The following TRAPPC8 variants were observed in gnomAD, a reference collection of about 807,000 sequenced individuals.
TRAPPC8 encodes the protein trafficking protein particle complex subunit 8.
A neutral mutation model predicts 174.3 loss-of-function variants in TRAPPC8; 54 were observed. The ratio of observed to expected loss-of-function variants is 0.31; its 90% CI spans 0.25 to 0.39. The LOEUF (loss-of-function observed/expected upper bound fraction) is 0.39. TRAPPC8 is among the 10% of genes least tolerant of loss of function. TRAPPC8 has a pLI of 1.00. For missense variants in TRAPPC8, 1,531 were observed against 1,699.1 expected, an observed-to-expected ratio of 0.90 and a Z score of 1.74; for synonymous variants, 630 against 579.9, an observed-to-expected ratio of 1.09 and a Z score of -1.24.
In TRAPPC8 at chr18:31,852,880, T is replaced by A. The variant is rs543850943; in HGVS notation, c.3434-217A>T. 8.0e-4 allele frequency: 406 copies of A among 507,382 alleles called. 1 individual carries two copies. Among genetic ancestry groups the A allele is most frequent in the Non-Finnish European group, 1.2e-3 (337 of 283,488 alleles). The allele number at this position is 507,382 out of a possible 1,614,324, so 31.4% of individuals were successfully genotyped here. ...ATACATATCCATGTGTGCACATGTA[T>A]ATATATATATGTATTCATATATGCG... On this transcript the variant is annotated intron_variant, in intron 22 of 28. Transcript: ENST00000283351.
chr18:31,841,934 C>T (rs1008888963), intron 26 of TRAPPC8, among the ~76,000 whole-genome samples: 3 of 152,122 alleles, frequency 2.0e-5, no homozygotes, highest in African/African-American at 7.2e-5. Context: ...CAGGGTCTTG[C>T]TATGTTACCC....
chr18:31,904,615 C>T (rs563819952), intron 9 of TRAPPC8, among the ~76,000 whole-genome samples: 1 of 152,228 alleles, frequency 6.6e-6, no homozygotes, highest in South Asian at 2.1e-4. Context: ...ACAATATGAA[C>T]GATATCTATT....
At chr18:31,868,220 C>T (rs898476315) in intron 16 of TRAPPC8, among the ~76,000 whole-genome samples, 2 of 152,128 alleles carry the variant, frequency 1.3e-5, no homozygotes, top group African/African-American at 2.4e-5. Context: ...TCCTCATAAA[C>T]GCTATTATAC....
chr18:31,907,596 G>A lies in TRAPPC8; in HGVS notation c.1253C>T (p.Ala418Val). ...NTSGLLYPPEAPELQIRKMAD... is the reference protein window; with the variant it reads ...NTSGLLYPPEVPELQIRKMAD... ...CATTTTCCTGATTTGAAGTTCTGGT[G>A]CTTCCGGCGGATACCTGTAAATACA... The change falls in exon 9 of 29, where the codon GCA becomes GTA. Residue 418 changes from alanine to valine, a missense_variant. By Grantham distance (64) the Ala-to-Val change is moderately conservative. Coordinates refer to ENST00000283351, the MANE Select transcript of TRAPPC8 (RefSeq NM_014939.5). 2 of 1,607,708 alleles carry A rather than the reference G, an allele frequency of 1.2e-6. No individual in the cohort carries two copies. Among genetic ancestry groups the A allele is most frequent in the Non-Finnish European group, 1.7e-6 (2 of 1,176,474 alleles).
chr18:31,891,144 A>T, intron 11 of TRAPPC8: 1 of 171,954 alleles, frequency 5.8e-6, no homozygotes, highest in Middle Eastern at 2.7e-3. Context: ...ATCTGTGAAT[A>T]ATTGCAATCC....
At chr18:31,914,132 CAA>C (rs1264790427) in intron 4 of TRAPPC8, among the ~76,000 whole-genome samples, 781 of 44,528 alleles carry the variant, frequency 0.018, 2 homozygotes, top group Middle Eastern at 0.065. Context: ...ACCCCCATCT[CAA>C]AAAAAAAAAA....
chr18:31,941,444 AAAATAAAT>A (rs760624403), intron 1 of TRAPPC8, among the ~76,000 whole-genome samples: 1 of 152,188 alleles, frequency 6.6e-6, no homozygotes, highest in Non-Finnish European at 1.5e-5. Flanking sequence ...ACTCCATCTC[AAAATAAAT>A]AAATAAATAA....
intron 2 of TRAPPC8, among the ~76,000 whole-genome samples, chr18:31,919,592 AAT>A (rs1016109907): frequency 1.3e-4 from 8 of 61,682 alleles, no homozygotes; most frequent in Admixed American, 5.2e-4. Flanking sequence ...AAATAAATAA[AAT>A]AATAATAATC....
intron 2 of TRAPPC8, among the ~76,000 whole-genome samples, chr18:31,922,069 A>G (rs2037414495): frequency 6.6e-6 from 1 of 152,182 alleles, no homozygotes; most frequent in East Asian, 1.9e-4. Flanking sequence ...CTGTAATTAG[A>G]TTTTTATTGT....
intron 27 of TRAPPC8, among the ~76,000 whole-genome samples, chr18:31,835,167 G>A (rs1314784482): frequency 1.3e-5 from 2 of 152,094 alleles, no homozygotes; most frequent in Non-Finnish European, 2.9e-5. Flanking sequence ...TGGGGGAAAG[G>A]GGAAGAAATG....
At chr18:31,895,768 T>C (rs192593048) in intron 11 of TRAPPC8, 41 of 152,366 alleles carry the variant, frequency 2.7e-4, no homozygotes, top group African/African-American at 9.4e-4. Context: ...TTTATTATAA[T>C]AGAGAATATC....
chr18:31,919,733 T>C (rs1212904379), intron 2 of TRAPPC8, among the ~76,000 whole-genome samples: 2 of 151,516 alleles, frequency 1.3e-5, no homozygotes, highest in Non-Finnish European at 2.9e-5. Flanking sequence ...TTGTGATGCA[T>C]GCCTGTAGTC....
intron 3 of TRAPPC8, 146 bp from the exon 4 acceptor site, chr18:31,916,592 G>T: frequency 1.3e-6 from 1 of 742,734 alleles, no homozygotes; most frequent in Non-Finnish European, 2.0e-6. Flanking sequence ...GAGAGCAGTG[G>T]CGTGATCTCG....
chr18:31,900,809 C>A, intron 10 of TRAPPC8, 116 bp downstream of exon 10: 1 of 745,462 alleles, frequency 1.3e-6, no homozygotes, highest in Non-Finnish European at 2.1e-6. Flanking sequence ...AAAATCACCT[C>A]AACTTGTCTC....
intron 28 of TRAPPC8, among the ~76,000 whole-genome samples, chr18:31,831,638 G>A (rs2032379941): frequency 6.6e-6 from 1 of 151,938 alleles, no homozygotes; most frequent in African/African-American, 2.4e-5. Flanking sequence ...TTATAATATT[G>A]AAAAATGGAA....
intron 1 of TRAPPC8, among the ~76,000 whole-genome samples, chr18:31,940,206 G>A (rs928295336): frequency 6.6e-6 from 1 of 152,160 alleles, no homozygotes; most frequent in African/African-American, 2.4e-5. Flanking sequence ...GCCGGGCACG[G>A]TGGCTCACGC....
At chr18:31,846,916 A>G in intron 25 of TRAPPC8, 99 bp from the exon 26 acceptor site, 1 of 704,430 alleles carries the variant, frequency 1.4e-6, no homozygotes, top group South Asian at 2.6e-5. Context: ...TATGGCCAAT[A>G]TCTATCAATT....
chr18:31,934,326 A>C (rs1402956601), intron 1 of TRAPPC8, among the ~76,000 whole-genome samples: 1 of 152,166 alleles, frequency 6.6e-6, no homozygotes. Context: ...TTTAAAAGAA[A>C]AGATAAAAAG....
At chr18:31,873,401 G>T in intron 14 of TRAPPC8, 29 bp downstream of exon 14, 1 of 1,525,742 alleles carries the variant, frequency 6.6e-7, no homozygotes. Flanking sequence ...TTGTCATTAG[G>T]TAATTAGGCT....
Sources: allele counts gnomAD v4.1 joint callset (sites outside exome capture counted in the v4.1 genomes callset), GRCh38; gene constraint gnomAD v4.1.1; transcripts MANE v1.5; gene names NCBI Gene and HGNC (gene_info 2026-07-23, HGNC 2026-07-21).